The following TPCN1 variants were observed in gnomAD, a reference collection of about 807,000 sequenced individuals.
The protein encoded by TPCN1 is two pore channel protein 1.
In TPCN1, 52 loss-of-function variants were observed where a neutral mutation model predicts 108.8. The observed-to-expected ratio is 0.48, with a 90% CI of 0.38 to 0.60. TPCN1 has a LOEUF of 0.60. TPCN1 is among the 20% of genes least tolerant of loss of function. TPCN1 has a pLI of 0.00. For synonymous variants in TPCN1, 446 were observed against 433.7 expected, an observed-to-expected ratio of 1.03 and a Z score of -0.35; for missense variants, 806 against 1,072.8, an observed-to-expected ratio of 0.75 and a Z score of 3.47.
chr12:113,270,176 A>G (rs1163803998), intron 7 of TPCN1, among the ~76,000 whole-genome samples: 1 of 152,150 alleles, frequency 6.6e-6, no homozygotes, highest in African/African-American at 2.4e-5. Context: ...AGCCTGGGCA[A>G]CAACAGAGTG....
At chr12:113,229,040 A>G (rs1478645854) in intron 2 of TPCN1, among the ~76,000 whole-genome samples, 3 of 152,164 alleles carry the variant, frequency 2.0e-5, no homozygotes, top group Admixed American at 2.0e-4. Flanking sequence ...GGGGCAAGAG[A>G]GCAACCCAGT....
At chr12:113,278,748 C>T in intron 13 of TPCN1, 24 bp from the exon 14 acceptor site, 2 of 1,611,680 alleles carry the variant, frequency 1.2e-6, no homozygotes, top group East Asian at 4.5e-5. Flanking sequence ...TGACACCCTC[C>T]CTCTTGGTCC....
At chr12:113,279,208 C>T (rs1415473823) in intron 14 of TPCN1, among the ~76,000 whole-genome samples, 1 of 151,142 alleles carries the variant, frequency 6.6e-6, no homozygotes, top group Admixed American at 6.6e-5. Flanking sequence ...GTGTTTCCCT[C>T]TGTGCCATTT....
In TPCN1 at chr12:113,276,962, G is replaced by T; in HGVS notation, c.986G>T (p.Arg329Leu). The T allele has an allele frequency of 6.2e-7, 1 of 1,614,026 alleles. No homozygotes were observed. The highest frequency in any genetic ancestry group is 1.7e-4 in the Middle Eastern group (1 of 6,054). The change falls in exon 11 of 28, where the codon CGC becomes CTC. Residue 329 changes from arginine to leucine, a missense_variant. Transcript: ENST00000335509. ...GACACCTTCAATGACATTGAGAAAC[G>T]CAAGTTCAAGTCTTTGCTACTGCAC... ...VFDTFNDIEK[R>L]KFKSLLLHKR...
chr12:113,247,315 C>G (rs1954435378), intron 2 of TPCN1, among the ~76,000 whole-genome samples: 1 of 152,222 alleles, frequency 6.6e-6, no homozygotes, highest in African/African-American at 2.4e-5. Flanking sequence ...CACTCACACC[C>G]TGACTCACCA....
chr12:113,274,636 G>A (rs938137740), intron 10 of TPCN1, among the ~76,000 whole-genome samples: 1 of 152,176 alleles, frequency 6.6e-6, no homozygotes, highest in Admixed American at 6.6e-5. Context: ...ATAAAAGCTG[G>A]CATTTAGTAA....
chr12:113,290,813 G>T, intron 22 of TPCN1, 139 bp from the exon 23 acceptor site: 1 of 788,098 alleles, frequency 1.3e-6, no homozygotes, highest in Non-Finnish European at 2.2e-6. Flanking sequence ...GGTCTTTCCT[G>T]GAGCTCACAA....
rs182803767 is a variant in TPCN1 at position 113,273,979 on chromosome 12, G to A, written c.942+311G>A. 2.4e-3 allele frequency among the ~76,000 whole-genome samples: 369 copies of A among 152,228 alleles called. No homozygotes were observed. The highest frequency in any genetic ancestry group is 3.1e-3 in the Non-Finnish European group (208 of 68,006). On this transcript the variant is annotated intron_variant, in intron 10 of 27. Coordinates refer to ENST00000335509, the MANE Select transcript of TPCN1 (RefSeq NM_017901.6). This position sits in a 1 kb window ranked among gnomAD's most constrained non-coding sequence, Gnocchi z 4.0. The stretch of plus-strand genomic sequence containing the variant: ...CATCAGAAATAAGCAGTTGACCCTC[G>A]GTGTCCACAGGGATTGTTTGCAGGA...
chr12:113,245,872 T>A (rs1358332925), intron 2 of TPCN1: 1 of 440,884 alleles, frequency 2.3e-6, no homozygotes, highest in South Asian at 1.6e-5. Flanking sequence ...TCTTTATAGC[T>A]GGCATATGGA....
intron 7 of TPCN1, among the ~76,000 whole-genome samples, chr12:113,270,769 G>A (rs1360988341): frequency 2.6e-5 from 4 of 152,012 alleles, no homozygotes; most frequent in Admixed American, 6.6e-5. Flanking sequence ...GTGGGCCACC[G>A]CGCCCGGCCT....
intron 2 of TPCN1, chr12:113,246,171 C>A (rs963015578): frequency 2.0e-5 from 8 of 393,666 alleles, no homozygotes; most frequent in African/African-American, 6.2e-5. Context: ...TCAGCTGTTT[C>A]TTTCCACTCC....
chr12:113,222,831 A>T (rs1405911523), intron 1 of TPCN1, among the ~76,000 whole-genome samples: 1 of 152,190 alleles, frequency 6.6e-6, no homozygotes. Flanking sequence ...TAAAACATAG[A>T]AACCACTAGC....
In TPCN1 at chr12:113,288,759, C is replaced by T. The variant is rs373973734; in HGVS notation, c.1708C>T (p.Leu570=). 7.4e-6 allele frequency: 12 copies of T among 1,612,346 alleles called. No individual in the cohort carries two copies. In the Admixed American group the frequency reaches 1.2e-4, roughly 16 times the overall value. The change falls in exon 21 of 28, where the codon CTG becomes TTG. Residue 570 remains leucine, a splice_region_variant and synonymous_variant. Coordinates refer to ENST00000335509, the MANE Select transcript of TPCN1 (RefSeq NM_017901.6). The surrounding 1 kb of genome is among the most constrained non-coding windows in gnomAD (Gnocchi z 4.8). ...MFELLPRMAS[L]GLTLLIFYYS... is the part of the protein sequence containing the mutation. ...CACCCTGCCCCTGTCGCCCCACAGC[C>T]TGGGCCTCACCCTGCTCATCTTTTA...
chr12:113,290,931 CTT>C lies in TPCN1; in HGVS notation c.1913-19_1913-18del. On this transcript the variant is annotated intron_variant, in intron 22 of 27. Coordinates refer to ENST00000335509, the MANE Select transcript of TPCN1 (RefSeq NM_017901.6). ...GAAGTGGGGTCTCATCAGGATGCTTCTTTCTCTCTTCCCTCGGCAGTGACCCT... is the reference window on the plus strand; with the variant it reads ...GAAGTGGGGTCTCATCAGGATGCTTCTCTCTCTTCCCTCGGCAGTGACCCT... 1.9e-6 allele frequency: 3 copies of C among 1,613,516 alleles called. No individual in the cohort carries two copies. Among genetic ancestry groups the C allele is most frequent in the Non-Finnish European group, 1.7e-6 (2 of 1,179,852 alleles).
rs1956425084 is a variant in TPCN1, at chr12:113,296,193, G to A, written c.*117G>A. 5 of 1,429,966 alleles carry A rather than the reference G, an allele frequency of 3.5e-6. No homozygotes were observed. The African/African-American group carries it at 4.2e-5, about 12-fold the overall frequency. 88.6% of individuals were successfully genotyped at this position (1,429,966 alleles called of 1,614,324 possible). ...ACGTATATGCACATATTTATATACA[G>A]GAAGAAAAAAGACAGACAAGATGGG... is the stretch of plus-strand genomic sequence containing the variant. On this transcript the variant is annotated 3_prime_UTR_variant, in exon 28 of 28. Coordinates refer to ENST00000335509, the MANE Select transcript of TPCN1 (RefSeq NM_017901.6).
chr12:113,279,828 G>A (rs1478206474), intron 14 of TPCN1, among the ~76,000 whole-genome samples: 1 of 152,140 alleles, frequency 6.6e-6, no homozygotes, highest in Non-Finnish European at 1.5e-5. Flanking sequence ...TTACCTGACA[G>A]TTGCCCCTTA....
rs1955540118 is a variant in TPCN1 at position 113,272,616 on chromosome 12, C to G, written c.749-42C>G. On this transcript the variant is annotated intron_variant, in intron 7 of 27. Transcript: ENST00000335509. This position sits in a 1 kb window ranked among gnomAD's most constrained non-coding sequence, Gnocchi z 4.1. ...CTTTTGACACCAGGTTTTGGGACCT[C>G]TGCTCTAATCCTTTTGTTTATCTGT... The G allele has an allele frequency of 6.3e-7, 1 of 1,598,490 alleles. No individual in the cohort carries two copies. Among genetic ancestry groups the G allele is most frequent in the Non-Finnish European group, 8.6e-7 (1 of 1,165,824 alleles).
At chr12:113,283,807 G>A (rs1362288448) in intron 15 of TPCN1, among the ~76,000 whole-genome samples, 2 of 152,002 alleles carry the variant, frequency 1.3e-5, no homozygotes, top group Non-Finnish European at 2.9e-5. Context: ...CTGAGTAGCT[G>A]GGCCCACAGG....
chr12:113,243,243 G>A (rs538982569), intron 2 of TPCN1, among the ~76,000 whole-genome samples: 6 of 152,148 alleles, frequency 3.9e-5, no homozygotes, highest in Non-Finnish European at 5.9e-5. Context: ...GATGGCGGGC[G>A]CCTGTATTCC....
Sources: allele counts gnomAD v4.1 joint callset (sites outside exome capture counted in the v4.1 genomes callset), GRCh38; gene constraint gnomAD v4.1.1; non-coding constraint Gnocchi (gnomAD v3.1); transcripts MANE v1.5; gene names NCBI Gene and HGNC (gene_info 2026-07-23, HGNC 2026-07-21).